Variants in GFRA2 observed in about 807,000 individuals in gnomAD.
GFRA2 encodes GDNF family receptor alpha 2, also known as GDNF family receptor alpha-2.
Under a neutral mutation model 48.3 loss-of-function variants are expected in GFRA2, and 17 were observed. The ratio of observed to expected loss-of-function variants is 0.35; its 90% CI spans 0.24 to 0.53. The LOEUF (loss-of-function observed/expected upper bound fraction) is 0.53, where lower values mean the gene tolerates loss of function less well. GFRA2 is among the 20% of genes least tolerant of loss of function. The pLI is 0.93. For synonymous variants in GFRA2, 305 were observed against 257.2 expected, an observed-to-expected ratio of 1.19 and a Z score of -1.78; for missense variants, 660 against 637.3, an observed-to-expected ratio of 1.04 and a Z score of -0.38.
intron 4 of GFRA2, among the ~76,000 whole-genome samples, chr8:21,728,274 T>G (rs1385105344): frequency 7.4e-6 from 1 of 135,478 alleles, no homozygotes; most frequent in Non-Finnish European, 1.6e-5. Context: ...GGTTTTTTTT[T>G]TTTTTTTTTT....
At chr8:21,776,033 G>GT (rs1806684574) in intron 2 of GFRA2, among the ~76,000 whole-genome samples, 1 of 140,076 alleles carries the variant, frequency 7.1e-6, no homozygotes, top group African/African-American at 2.8e-5. Context: ...GTGTGTGTGT[G>GT]TGTGTGTAGT....
intron 3 of GFRA2, among the ~76,000 whole-genome samples, chr8:21,751,722 G>A (rs111566352): frequency 0.018 from 2,817 of 152,288 alleles, 38 homozygotes; most frequent in Middle Eastern, 0.054. Flanking sequence ...GAGGTCACAC[G>A]TCCCTCTCAC....
At chr8:21,779,541 C>G (rs1806871991) in intron 2 of GFRA2, 1 of 152,256 alleles carries the variant, frequency 6.6e-6, no homozygotes, top group Non-Finnish European at 1.5e-5. Context: ...AGACAAGAAA[C>G]ACAACTACTC....
At chr8:21,767,240 ACACAT>A (rs1016261164) in intron 3 of GFRA2, among the ~76,000 whole-genome samples, 8 of 150,410 alleles carry the variant, frequency 5.3e-5, no homozygotes, top group African/African-American at 2.0e-4. Flanking sequence ...ACCACCTCAC[ACACAT>A]CACATACACA....
chr8:21,811,598 C>T (rs893660444), intron 1 of GFRA2, among the ~76,000 whole-genome samples: 5 of 152,114 alleles, frequency 3.3e-5, no homozygotes, highest in Middle Eastern at 3.2e-3. Context: ...TCCCCATGTC[C>T]TGGGCCCTTT....
chr8:21,770,162 G>A (rs1806375519), intron 3 of GFRA2, among the ~76,000 whole-genome samples: 1 of 152,178 alleles, frequency 6.6e-6, no homozygotes, highest in Admixed American at 6.5e-5. Flanking sequence ...CTCTACTCCA[G>A]TCACCACCAA....
rs1219012672 is a variant in GFRA2 at position 21,782,701 on chromosome 8, G to T, written c.239C>A (p.Ala80Glu). The T allele has an allele frequency of 3.1e-6, 5 of 1,593,870 alleles. No homozygotes were observed. The highest frequency in any genetic ancestry group is 1.7e-4 in the Middle Eastern group (1 of 6,060). The change falls in exon 2 of 9, where the codon GCG (alanine) becomes GAG (glutamate). Residue 80 changes from alanine (A) to glutamate (E), a missense_variant. By Grantham distance (107) the Ala-to-Glu change is moderately radical. Coordinates refer to ENST00000524240, the MANE Select transcript of GFRA2 (RefSeq NM_001495.5). ...NTMLANKECQ[A>E]ALEVLQESPL... ...GCTCTCCTGCAAGACCTCCAAGGCC[G>T]CCTGGCACTCCTTGTTGGCCAGCAT... is the stretch of plus-strand genomic sequence containing the variant.
intron 4 of GFRA2, among the ~76,000 whole-genome samples, chr8:21,709,845 G>A (rs988730347): frequency 2.0e-5 from 3 of 152,176 alleles, no homozygotes; most frequent in Non-Finnish European, 4.4e-5. Context: ...CTTCTCAAAT[G>A]CCTCCAGCCC....
At chr8:21,706,484 T>G (rs920844559) in intron 4 of GFRA2, 2 of 456,908 alleles carry the variant, frequency 4.4e-6, no homozygotes, top group Admixed American at 4.7e-5. Flanking sequence ...GCAAAACAGG[T>G]GACTAGTCCC....
At chr8:21,803,506 A>G (rs1346468443) in intron 2 of GFRA2, among the ~76,000 whole-genome samples, 1 of 152,226 alleles carries the variant, frequency 6.6e-6, no homozygotes, top group Non-Finnish European at 1.5e-5. Context: ...TTCCTGGGCT[A>G]CAGGACTGGA....
chr8:21,778,905 T>C (rs1195614427), intron 2 of GFRA2, among the ~76,000 whole-genome samples: 1 of 150,456 alleles, frequency 6.6e-6, no homozygotes, highest in Non-Finnish European at 1.5e-5. Flanking sequence ...AATAAATAAA[T>C]AAAAAGACTC....
At chr8:21,761,042 C>T (rs1805883877) in intron 3 of GFRA2, among the ~76,000 whole-genome samples, 1 of 152,100 alleles carries the variant, frequency 6.6e-6, no homozygotes, top group Non-Finnish European at 1.5e-5. Context: ...AAGGGAGGGT[C>T]CAGGAGCAGA....
chr8:21,731,279 C>G (rs979336414), intron 4 of GFRA2, among the ~76,000 whole-genome samples: 3 of 152,146 alleles, frequency 2.0e-5, no homozygotes, highest in Non-Finnish European at 4.4e-5. Context: ...CCAGGACCCA[C>G]AGTCTGTGAC....
chr8:21,810,299 C>T (rs1407247938), intron 1 of GFRA2, among the ~76,000 whole-genome samples: 1 of 152,166 alleles, frequency 6.6e-6, no homozygotes, highest in Non-Finnish European at 1.5e-5. Flanking sequence ...TGCAATCCTT[C>T]CCCACTCCCT....
intron 7 of GFRA2, among the ~76,000 whole-genome samples, chr8:21,701,620 T>C (rs1449452569): frequency 6.6e-6 from 1 of 152,064 alleles, no homozygotes; most frequent in Non-Finnish European, 1.5e-5. Flanking sequence ...AGCCCCCGGA[T>C]TTGTAACGCC....
intron 3 of GFRA2, among the ~76,000 whole-genome samples, chr8:21,758,890 A>G (rs1029918490): frequency 2.0e-5 from 3 of 150,860 alleles, no homozygotes; most frequent in African/African-American, 7.3e-5. Context: ...ACCGAGGTGC[A>G]CACACACACA....
intron 4 of GFRA2, among the ~76,000 whole-genome samples, chr8:21,730,091 C>T (rs1353047122): frequency 6.6e-6 from 1 of 152,044 alleles, no homozygotes; most frequent in Admixed American, 6.6e-5. Flanking sequence ...AGTGTTACGG[C>T]ACGAGAAGGG....
intron 3 of GFRA2, among the ~76,000 whole-genome samples, chr8:21,759,591 T>G (rs1805796615): frequency 1.4e-5 from 2 of 144,454 alleles, no homozygotes; most frequent in African/African-American, 5.2e-5. Context: ...ATAAGGGAAT[T>G]TAAAAAAGAA....
chr8:21,710,958 G>A lies in GFRA2; in HGVS notation c.795-4917C>T, dbSNP rs138093014. 7.4e-3 allele frequency among the ~76,000 whole-genome samples: 1,123 copies of A among 152,240 alleles called. 10 individuals carry two copies. The highest frequency in any genetic ancestry group is 0.025 in the African/African-American group (1,041 of 41,554). ...CTAAAGTTTCTCTCTGCCCCTCCAC[G>A]TGTGATCAAGTCCACAGCAGTGGGC... On this transcript the variant is annotated intron_variant, in intron 4 of 8. Coordinates refer to ENST00000524240, the MANE Select transcript of GFRA2 (RefSeq NM_001495.5).
Sources: gnomAD v4.1 joint callset for allele counts (sites outside exome capture counted in the v4.1 genomes callset) on GRCh38, gnomAD v4.1.1 for gene constraint, MANE v1.5 for transcripts, NCBI Gene and HGNC (gene_info 2026-07-23, HGNC 2026-07-21) for gene names.